Variants in CNTN4 observed in about 807,000 individuals in gnomAD.
CNTN4 encodes the protein contactin 4, also known as contactin-4.
A neutral mutation model predicts 122.5 loss-of-function variants in CNTN4; 77 were observed. The ratio of observed to expected loss-of-function variants is 0.63; its 90% CI spans 0.52 to 0.76. The LOEUF is 0.76. CNTN4 is among the 30% of genes least tolerant of loss of function. CNTN4 has a pLI of 0.00. For missense variants in CNTN4, 1,256 were observed against 1,259.1 expected, an observed-to-expected ratio of 1.00 and a Z score of 0.04; for synonymous variants, 512 against 447.0, an observed-to-expected ratio of 1.15 and a Z score of -1.83.
chr3:2,251,550 A>T (rs1428122811), intron 2 of CNTN4, among the ~76,000 whole-genome samples: 1 of 151,792 alleles, frequency 6.6e-6, no homozygotes, highest in Admixed American at 6.6e-5. Flanking sequence ...AAAAGAATGA[A>T]TTTGACTTTC....
rs867722942 is a variant in CNTN4, at chr3:2,705,876, A to C, written c.56-30339A>C. On this transcript the variant is annotated intron_variant, in intron 4 of 24. Coordinates refer to ENST00000418658, the MANE Select transcript of CNTN4 (RefSeq NM_175607.3). ...ATATATGTGTTTATATATAATATAT[A>C]TTTTTTATATAATATATAAAATATA... Among the ~76,000 whole-genome samples the C allele has an allele frequency of 2.9e-4, 26 of 89,102 alleles. 1 individual carries two copies. The highest frequency in any genetic ancestry group is 1.2e-3 in the African/African-American group (26 of 21,698). The allele number at this position is 89,102 out of a possible 152,430, so 58.5% of individuals were successfully genotyped here.
At chr3:2,295,012 A>G (rs915878797) in intron 2 of CNTN4, among the ~76,000 whole-genome samples, 1 of 151,842 alleles carries the variant, frequency 6.6e-6, no homozygotes, top group Non-Finnish European at 1.5e-5. Flanking sequence ...TGAACTCATC[A>G]TTTTTTATGG....
chr3:2,334,033 G>A (rs780448239), intron 2 of CNTN4, among the ~76,000 whole-genome samples: 4 of 152,040 alleles, frequency 2.6e-5, no homozygotes, highest in Non-Finnish European at 5.9e-5. Flanking sequence ...TTAAGAATAC[G>A]GACAGTTGTT....
At chr3:2,919,187 T>C (rs944537630) in intron 12 of CNTN4, among the ~76,000 whole-genome samples, 3 of 74,212 alleles carry the variant, frequency 4.0e-5, no homozygotes, top group Admixed American at 2.6e-4. Flanking sequence ...CTACTAAAAA[T>C]ACAAAAAAAA....
intron 2 of CNTN4, among the ~76,000 whole-genome samples, chr3:2,221,851 T>C (rs2039073652): frequency 6.6e-6 from 1 of 152,154 alleles, no homozygotes; most frequent in Admixed American, 6.5e-5. Flanking sequence ...AGATACCCTG[T>C]TACAATTACT....
At chr3:2,552,893 G>A (rs1362725883) in intron 3 of CNTN4, among the ~76,000 whole-genome samples, 1 of 152,132 alleles carries the variant, frequency 6.6e-6, no homozygotes, top group African/African-American at 2.4e-5. Flanking sequence ...GACGTGCTAC[G>A]GCATGGCGAA....
rs566205360 is a variant in CNTN4, at chr3:2,365,098, A to AT, written c.-89+25875dup. On this transcript the variant is annotated intron_variant, in intron 3 of 24. Coordinates refer to ENST00000418658, the MANE Select transcript of CNTN4 (RefSeq NM_175607.3). ...ACTCCTATGGTTGTTCTTTGGTTTAATTTTTTTTTTATGATGACAGAAAAG... is the reference window on the plus strand; with the variant it reads ...ACTCCTATGGTTGTTCTTTGGTTTAATTTTTTTTTTTATGATGACAGAAAAG... Among the ~76,000 whole-genome samples, 76 of 150,160 alleles carry AT rather than the reference A, an allele frequency of 5.1e-4. 1 individual carries two copies. The highest frequency in any genetic ancestry group is 4.4e-3 in the South Asian group (21 of 4,724).
chr3:2,303,815 C>A (rs1478946860), intron 2 of CNTN4, among the ~76,000 whole-genome samples: 1 of 152,184 alleles, frequency 6.6e-6, no homozygotes, highest in Non-Finnish European at 1.5e-5. Flanking sequence ...TAGCTGAGAT[C>A]CTCAGAGAGG....
intron 4 of CNTN4, among the ~76,000 whole-genome samples, chr3:2,646,766 CAG>C (rs2083141146): frequency 6.6e-6 from 1 of 152,186 alleles, no homozygotes; most frequent in African/African-American, 2.4e-5. Flanking sequence ...CCCTGGTTTT[CAG>C]ATGATCACCT....
chr3:2,265,030 A>G (rs567678474), intron 2 of CNTN4, among the ~76,000 whole-genome samples: 1 of 152,060 alleles, frequency 6.6e-6, no homozygotes, highest in African/African-American at 2.4e-5. Context: ...CTTTCCCCTG[A>G]GTCCCCAAAG....
At chr3:2,667,584 T>G (rs1376711440) in intron 4 of CNTN4, among the ~76,000 whole-genome samples, 20 of 151,718 alleles carry the variant, frequency 1.3e-4, no homozygotes, top group Admixed American at 1.3e-3. Flanking sequence ...GTGCAGAAGC[T>G]CTTTAGTTTA....
chr3:2,207,482 A>G (rs2038412332), intron 2 of CNTN4, among the ~76,000 whole-genome samples: 1 of 152,120 alleles, frequency 6.6e-6, no homozygotes, highest in Non-Finnish European at 1.5e-5. Context: ...AGCCTTAGTG[A>G]TGAGATGGAG....
At chr3:2,596,919 C>T (rs372849022) in intron 4 of CNTN4, among the ~76,000 whole-genome samples, 3 of 152,072 alleles carry the variant, frequency 2.0e-5, no homozygotes, top group South Asian at 4.1e-4. Context: ...GGTACTGTGT[C>T]CAGGACACAG....
At chr3:2,872,564 G>A (rs2093798856) in intron 8 of CNTN4, among the ~76,000 whole-genome samples, 1 of 151,880 alleles carries the variant, frequency 6.6e-6, no homozygotes, top group African/African-American at 2.4e-5. Flanking sequence ...TCCATGCATT[G>A]CACAGTAATT....
intron 4 of CNTN4, among the ~76,000 whole-genome samples, chr3:2,701,522 A>T (rs2086358717): frequency 6.6e-6 from 1 of 152,208 alleles, no homozygotes; most frequent in East Asian, 1.9e-4. Context: ...AGATCCACTT[A>T]TCCAATTTGT....
chr3:2,743,218 C>G (rs76567869), intron 5 of CNTN4, among the ~76,000 whole-genome samples: 3,442 of 152,016 alleles, frequency 0.023, 132 homozygotes, highest in African/African-American at 0.078. Flanking sequence ...TTAAATTGCT[C>G]TACTATCATT....
rs74926517 is a variant in CNTN4 at position 2,318,873 on chromosome 3, G to A, written c.-144-20305G>A. 4.1e-3 allele frequency among the ~76,000 whole-genome samples: 629 copies of A among 152,256 alleles called. 1 individual carries two copies. Among genetic ancestry groups the A allele is most frequent in the African/African-American group, 0.014 (596 of 41,532 alleles). Reference sequence around the variant, plus strand: ...GCCAAGGTTTGTCTTGAATGTCTAAGCTCAAGCAGTCCTCCCCACTTGGCC... The same window carrying A: ...GCCAAGGTTTGTCTTGAATGTCTAAACTCAAGCAGTCCTCCCCACTTGGCC... On this transcript the variant is annotated intron_variant, in intron 2 of 24. Transcript: ENST00000418658.
At position 2,745,551 on chromosome 3, in the gene CNTN4, C is replaced by T. The variant is rs776604336; in HGVS notation, c.212C>T (p.Thr71Ile). ...AAGTTAAATGGAACAGATGTTGACACTGGTATGGATTTCCGCTACAGTGTT... is the reference window on the plus strand; with the variant it reads ...AAGTTAAATGGAACAGATGTTGACATTGGTATGGATTTCCGCTACAGTGTT... ...RWKLNGTDVD[T>I]GMDFRYSVVE... The change falls in exon 6 of 25, where the codon ACT becomes ATT. Residue 71 changes from threonine (T) to isoleucine (I), a missense_variant. Physicochemically the swap from Thr to Ile is moderately conservative, Grantham distance 89. Transcript: ENST00000418658. 4 of 1,614,102 alleles carry T rather than the reference C, an allele frequency of 2.5e-6. No homozygotes were observed. The highest frequency in any genetic ancestry group is 3.4e-6 in the Non-Finnish European group (4 of 1,179,972).
chr3:2,247,481 A>G (rs557061729), intron 2 of CNTN4, among the ~76,000 whole-genome samples: 1 of 152,104 alleles, frequency 6.6e-6, no homozygotes, highest in African/African-American at 2.4e-5. Context: ...TGATGATGAC[A>G]GATGATGATA....
Sources: gnomAD v4.1 joint callset for allele counts (sites outside exome capture counted in the v4.1 genomes callset) on GRCh38, gnomAD v4.1.1 for gene constraint, MANE v1.5 for transcripts, NCBI Gene and HGNC (gene_info 2026-07-23, HGNC 2026-07-21) for gene names.